HOOK3: variants seen among roughly 807,000 people sequenced by gnomAD.
HOOK3 encodes hook microtubule tethering protein 3.
In HOOK3, 24 loss-of-function variants were observed where a neutral mutation model predicts 116.3. The ratio of observed to expected loss-of-function variants is 0.21; its 90% confidence interval spans 0.15 to 0.29. The LOEUF (loss-of-function observed/expected upper bound fraction) is 0.29. Among genes scored for constraint, HOOK3 ranks in the 10% least tolerant of loss-of-function variants. The pLI is 1.00. For missense variants in HOOK3, 632 were observed against 830.2 expected (o/e 0.76, Z 2.93); for synonymous variants, 275 against 283.0 (o/e 0.97, Z 0.28).
intron 19 of HOOK3, among the ~76,000 whole-genome samples, chr8:43,012,220 T>C (rs191791281): frequency 5.3e-4 from 81 of 152,348 alleles, no homozygotes; most frequent in African/African-American, 1.5e-3. Flanking sequence ...TGTGCAAACA[T>C]TGTAGAGTGT....
At chr8:42,919,511 C>G (rs1372962981) in intron 2 of HOOK3, among the ~76,000 whole-genome samples, 1 of 151,872 alleles carries the variant, frequency 6.6e-6, no homozygotes, top group Non-Finnish European at 1.5e-5. Context: ...GGCGGCCAGG[C>G]AGAGACGCTC....
At chr8:42,917,414 A>G (rs2130343051) in intron 2 of HOOK3, among the ~76,000 whole-genome samples, 1 of 152,064 alleles carries the variant, frequency 6.6e-6, no homozygotes, top group Non-Finnish European at 1.5e-5. Context: ...GAATGTTCCA[A>G]CCTCTAATAA....
At chr8:42,905,771 C>T (rs1807293524) in intron 1 of HOOK3, among the ~76,000 whole-genome samples, 1 of 146,746 alleles carries the variant, frequency 6.8e-6, no homozygotes, top group African/African-American at 2.5e-5. Context: ...ATGAGATAAT[C>T]ACCAAAAAAA....
chr8:42,975,261 G>C (rs1808800566), intron 13 of HOOK3, among the ~76,000 whole-genome samples: 1 of 152,196 alleles, frequency 6.6e-6, no homozygotes, highest in African/African-American at 2.4e-5. Flanking sequence ...TGTGCTGTTA[G>C]GGATTATTTT....
At chr8:42,921,530 T>G (rs796167125) in intron 2 of HOOK3, among the ~76,000 whole-genome samples, 1 of 152,230 alleles carries the variant, frequency 6.6e-6, no homozygotes, top group Admixed American at 6.5e-5. Context: ...GAGAACACTT[T>G]TGGGGGTTGT....
chr8:42,929,934 A>G (rs1459990156), intron 3 of HOOK3, among the ~76,000 whole-genome samples, 188 bp from the exon 4 acceptor site: 1 of 152,196 alleles, frequency 6.6e-6, no homozygotes, highest in African/African-American at 2.4e-5. Context: ...TTTGTTTTAT[A>G]AATCTCTTGG....
In HOOK3 at chr8:43,022,798, GATT is replaced by G. The variant is rs1231619573; in HGVS notation, c.*4305_*4307del. The G allele has an allele frequency of 5.6e-6, 1 of 177,388 alleles. No homozygotes were observed. The highest frequency in any genetic ancestry group is 2.4e-5 in the African/African-American group (1 of 42,268). The allele number at this position is 177,388 out of a possible 1,614,324, so 11.0% of individuals were successfully genotyped here. ...ATCCTTAACCTAAGTGTTTTAATTA[GATT>G]ATTAGACTATAATAAGGATGAAATT... On this transcript the variant is annotated 3_prime_UTR_variant, in exon 22 of 22. Transcript: ENST00000307602.
intron 18 of HOOK3, among the ~76,000 whole-genome samples, chr8:43,008,657 A>ATTTTTATTTTTATTTTTATTTTTT (rs1809541156): frequency 1.4e-5 from 2 of 143,810 alleles, no homozygotes; most frequent in African/African-American, 5.2e-5. Context: ...TTTTATTTTT[A>ATTTTTATTTTTATTTTTATTTTTT]TTTTTATTTT....
chr8:43,009,262 C>T (rs187923462), intron 18 of HOOK3, among the ~76,000 whole-genome samples: 11 of 151,260 alleles, frequency 7.3e-5, no homozygotes, highest in Admixed American at 2.6e-4. Flanking sequence ...AAAAATTAGC[C>T]GGGGGTGGTG....
At position 43,021,307 on chromosome 8, in the gene HOOK3, CT is replaced by C. The variant is rs1054328269; in HGVS notation, c.*2817del. 2.7e-4 allele frequency: 52 copies of C among 191,726 alleles called. No homozygotes were observed. Among genetic ancestry groups the C allele is most frequent in the East Asian group, 4.1e-4 (5 of 12,110 alleles). The allele number at this position is 191,726 out of a possible 1,614,324, so 11.9% of individuals were successfully genotyped here. Reference sequence around the variant, plus strand: ...TTTTAGAGGGGAGTTTTACTTCTGACTTTTTTTTCCCCCCGAGACGGAGCCT... The same window carrying C: ...TTTTAGAGGGGAGTTTTACTTCTGACTTTTTTTCCCCCCGAGACGGAGCCT... On this transcript the variant is annotated 3_prime_UTR_variant, in exon 22 of 22. Transcript: ENST00000307602.
At chr8:42,962,102 T>G (rs1808544320) in intron 8 of HOOK3, among the ~76,000 whole-genome samples, 1 of 151,992 alleles carries the variant, frequency 6.6e-6, no homozygotes, top group Non-Finnish European at 1.5e-5. Context: ...TTTTGTTTTT[T>G]GAGACAGGGT....
At chr8:42,904,491 A>C (rs971117452) in intron 1 of HOOK3, among the ~76,000 whole-genome samples, 1 of 151,786 alleles carries the variant, frequency 6.6e-6, no homozygotes, top group African/African-American at 2.4e-5. Context: ...TTGTATTTTT[A>C]GTGAAGAGAC....
rs919805191 is a variant in HOOK3 at position 43,021,119 on chromosome 8, A to C, written c.*2621A>C. 4 of 193,094 alleles carry C rather than the reference A, an allele frequency of 2.1e-5. No individual in the cohort carries two copies. The Admixed American group carries it at 2.4e-4, about 12-fold the overall frequency. The allele number at this position is 193,094 out of a possible 1,614,324, so 12.0% of individuals were successfully genotyped here. On this transcript the variant is annotated 3_prime_UTR_variant, in exon 22 of 22. Coordinates refer to ENST00000307602, the MANE Select transcript of HOOK3 (RefSeq NM_032410.4). ...TCTGTCGCAAGAAAAAAAAAAAAAA[A>C]AAAAAAAAAAAAAACAGTCTGTGAA... is the stretch of plus-strand genomic sequence containing the variant.
intron 21 of HOOK3, among the ~76,000 whole-genome samples, chr8:43,013,967 T>C (rs1409615510): frequency 6.6e-6 from 1 of 152,172 alleles, no homozygotes; most frequent in Non-Finnish European, 1.5e-5. Context: ...TTTTTTGTTC[T>C]TCCCAATAAG....
At chr8:42,931,407 A>C (rs116986930) in intron 4 of HOOK3, among the ~76,000 whole-genome samples, 2,190 of 136,624 alleles carry the variant, frequency 0.016, 30 homozygotes, top group Non-Finnish European at 0.024. Context: ...GTCTCACCCC[A>C]TTATATTCTT....
At chr8:42,933,033 A>G (rs551497945) in intron 4 of HOOK3, among the ~76,000 whole-genome samples, 1 of 152,324 alleles carries the variant, frequency 6.6e-6, no homozygotes, top group African/African-American at 2.4e-5. Context: ...GCAAATGCAC[A>G]CCCCTTTGAC....
chr8:42,997,799 C>T (rs1563310836), intron 16 of HOOK3, 162 bp downstream of exon 16: 2 of 584,742 alleles, frequency 3.4e-6, no homozygotes, highest in Non-Finnish European at 6.2e-6. Flanking sequence ...ATAAAAAGGA[C>T]CAGATAGTAC....
intron 5 of HOOK3, among the ~76,000 whole-genome samples, chr8:42,943,887 C>G (rs928490580): frequency 5.9e-5 from 9 of 152,012 alleles, no homozygotes; most frequent in African/African-American, 2.2e-4. Flanking sequence ...TGCAAGTTTG[C>G]CTCTACTGTG....
In HOOK3 at chr8:42,939,736, G is replaced by C. The variant is rs1440669671; in HGVS notation, c.268-3577G>C. 2.7e-5 allele frequency among the ~76,000 whole-genome samples: 4 copies of C among 150,726 alleles called. No homozygotes were observed. The East Asian group carries it at 7.9e-4, about 30-fold the overall frequency. On this transcript the variant is annotated intron_variant, in intron 4 of 21. Coordinates refer to ENST00000307602, the MANE Select transcript of HOOK3 (RefSeq NM_032410.4). ...TCCTCACTTCTCAGACGGGGCGGCT[G>C]CCGGGCGGAGGGGCTCCTCACTTCT...
Sources: allele counts gnomAD v4.1 joint callset (sites outside exome capture counted in the v4.1 genomes callset), GRCh38; gene constraint gnomAD v4.1.1; transcripts MANE v1.5; gene names NCBI Gene and HGNC (gene_info 2026-07-23, HGNC 2026-07-21).